The following YEATS2 variants were observed in gnomAD, a reference collection of about 807,000 sequenced individuals.
The protein encoded by YEATS2 is YEATS domain containing 2, also known as YEATS domain-containing protein 2.
YEATS2 carries 77 observed loss-of-function variants against 163.2 expected under a neutral mutation model. The observed-to-expected ratio is 0.47, with a 90% CI of 0.39 to 0.57. The LOEUF (loss-of-function observed/expected upper bound fraction) is 0.57, where lower values mean the gene tolerates loss of function less well. Among genes scored for constraint, YEATS2 ranks in the 20% least tolerant of loss-of-function variants. The pLI, the probability that YEATS2 is intolerant of heterozygous loss-of-function variation, is 0.00. For missense variants in YEATS2, 1,549 were observed against 1,729.8 expected, an observed-to-expected ratio of 0.90 and a Z score of 1.85; for synonymous variants, 631 against 645.1, an observed-to-expected ratio of 0.98 and a Z score of 0.33.
chr3:183,787,653 A>G (rs1724188891), intron 20 of YEATS2, among the ~76,000 whole-genome samples: 1 of 152,024 alleles, frequency 6.6e-6, no homozygotes, highest in Non-Finnish European at 1.5e-5. Flanking sequence ...CACTTTCTTG[A>G]TAGTATTGAA....
Position 183,773,745 on chromosome 3 carries a change from A to G in YEATS2, c.2319A>G (p.Lys773=). The change falls in exon 17 of 31, where the codon AAA becomes AAG. Residue 773 remains lysine (K), a synonymous_variant. Coordinates refer to ENST00000305135, the MANE Select transcript of YEATS2 (RefSeq NM_018023.5). The stretch of plus-strand genomic sequence containing the variant: ...GCAAGAACCCTTCAGGAAAAGGAAA[A>G]CTGCTGCTGATCCCTCAAGGAGCCA... The part of the protein sequence containing the change: ...TNSKNPSGKG[K]LLLIPQGAIL... 6.2e-7 allele frequency: 1 copy of G among 1,613,372 alleles called. No homozygotes were observed. The highest frequency in any genetic ancestry group is 1.1e-5 in the South Asian group (1 of 90,870).
chr3:183,711,329 C>T (rs546898775), intron 1 of YEATS2, among the ~76,000 whole-genome samples: 19 of 151,950 alleles, frequency 1.3e-4, no homozygotes, highest in Middle Eastern at 6.8e-3. Context: ...AAAAATCAGC[C>T]GGGCGTGGTG....
rs371478525 is a variant in YEATS2 at position 183,800,559 on chromosome 3, A to C, written c.3419A>C (p.Tyr1140Ser). 1.9e-6 allele frequency: 3 copies of C among 1,613,664 alleles called. No homozygotes were observed. Among genetic ancestry groups the C allele is most frequent in the South Asian group, 2.2e-5 (2 of 91,044 alleles). The change falls in exon 24 of 31, where the codon TAT becomes TCT. Residue 1140 changes from tyrosine to serine, a missense_variant. Coordinates refer to ENST00000305135, the MANE Select transcript of YEATS2 (RefSeq NM_018023.5). ...GAAGAAAGTTCTGAGCTGGGAAACT[A>C]TGTCATTAAGTAATTCTTCCAATCT... Reference protein sequence around the residue: ...KTEESSELGNYVIKIDHLETI... With the variant: ...KTEESSELGNSVIKIDHLETI...
At chr3:183,755,309 G>A (rs759134506) in intron 11 of YEATS2, among the ~76,000 whole-genome samples, 1 of 152,140 alleles carries the variant, frequency 6.6e-6, no homozygotes, top group Non-Finnish European at 1.5e-5. Flanking sequence ...TAGAGACGGA[G>A]TTTCACCATA....
At chr3:183,721,026 C>CT (rs1211801903) in intron 4 of YEATS2, among the ~76,000 whole-genome samples, 2 of 152,102 alleles carry the variant, frequency 1.3e-5, no homozygotes, top group Non-Finnish European at 2.9e-5. Flanking sequence ...AGCAATGATT[C>CT]TGTCTTTGAA....
At chr3:183,808,988 C>T in intron 29 of YEATS2, 109 bp from the exon 30 acceptor site, 4 of 1,045,808 alleles carry the variant, frequency 3.8e-6, no homozygotes, top group Non-Finnish European at 5.8e-6. Flanking sequence ...CTTTTTAATC[C>T]CTAGTTGCAG....
At chr3:183,718,821 A>G (rs1716182785) in intron 4 of YEATS2, among the ~76,000 whole-genome samples, 1 of 152,158 alleles carries the variant, frequency 6.6e-6, no homozygotes. Context: ...CAGCCTCCTG[A>G]GTAGCTGGGA....
At chr3:183,786,340 A>C in intron 20 of YEATS2, 39 bp downstream of exon 20, 2 of 1,569,554 alleles carry the variant, frequency 1.3e-6, no homozygotes, top group Non-Finnish European at 1.7e-6. Flanking sequence ...CTAATGAGAC[A>C]TGAAAGTGGT....
chr3:183,809,694 C>G (rs1162480551), intron 30 of YEATS2, among the ~76,000 whole-genome samples: 1 of 152,130 alleles, frequency 6.6e-6, no homozygotes, highest in Non-Finnish European at 1.5e-5. Context: ...GACTCGTTGT[C>G]TTTGATTAAG....
intron 8 of YEATS2, among the ~76,000 whole-genome samples, chr3:183,740,774 T>C (rs940682070): frequency 6.6e-6 from 1 of 152,200 alleles, no homozygotes; most frequent in African/African-American, 2.4e-5. Flanking sequence ...GCTAAGATCA[T>C]TGATGAAGGT....
At chr3:183,767,442 G>A (rs576775551) in intron 15 of YEATS2, among the ~76,000 whole-genome samples, 6 of 151,656 alleles carry the variant, frequency 4.0e-5, no homozygotes, top group South Asian at 2.1e-4. Context: ...GAGCAGTGGC[G>A]CCATCTCGGC....
chr3:183,721,117 T>C (rs957480239), intron 4 of YEATS2, among the ~76,000 whole-genome samples: 3 of 152,240 alleles, frequency 2.0e-5, no homozygotes, highest in South Asian at 2.1e-4. Context: ...TTAGGATTTA[T>C]TCAGGGATAT....
intron 9 of YEATS2, among the ~76,000 whole-genome samples, 160 bp from the exon 10 acceptor site, chr3:183,751,913 C>T (rs1720204492): frequency 6.6e-6 from 1 of 152,174 alleles, no homozygotes; most frequent in Admixed American, 6.5e-5. Context: ...ATTAGATTAC[C>T]TTCTAGAATA....
intron 20 of YEATS2, among the ~76,000 whole-genome samples, chr3:183,787,695 C>T (rs1724192176): frequency 6.6e-6 from 1 of 151,982 alleles, no homozygotes; most frequent in African/African-American, 2.4e-5. Flanking sequence ...GTTTTCATTC[C>T]TTTTTAAATT....
At chr3:183,777,519 C>T (rs771496890) in intron 18 of YEATS2, 23 bp from the exon 19 acceptor site, 2 of 1,610,670 alleles carry the variant, frequency 1.2e-6, no homozygotes, top group Non-Finnish European at 1.7e-6. Context: ...CCGATTAGTT[C>T]TTTATATTTT....
chr3:183,702,014 A>G (rs139003224), intron 1 of YEATS2, among the ~76,000 whole-genome samples: 32 of 152,204 alleles, frequency 2.1e-4, no homozygotes, highest in African/African-American at 7.5e-4. Context: ...ATGGGCTCAT[A>G]TTTCACCTCT....
In YEATS2 at chr3:183,799,828, TTTTC is replaced by T. The variant is rs1725493228; in HGVS notation, c.3326-634_3326-631del. Among the ~76,000 whole-genome samples the T allele has an allele frequency of 2.0e-5, 3 of 149,596 alleles. No individual in the cohort carries two copies. The East Asian group carries it at 6.0e-4, about 30-fold the overall frequency. On this transcript the variant is annotated intron_variant, in intron 23 of 30. Transcript: ENST00000305135. ...TTTAGAGTAGCATTGTTTTTTTTTT[TTTTC>T]TTTTTTTTTTTTTGTTTTGAGATGG...
chr3:183,734,724 C>T (rs1406066820), intron 7 of YEATS2, among the ~76,000 whole-genome samples: 3 of 152,156 alleles, frequency 2.0e-5, no homozygotes, highest in Non-Finnish European at 2.9e-5. Context: ...AGTTCAGGGT[C>T]ACTCAGAGTG....
chr3:183,772,760 CACACACACACACACACACCCACAT>C (rs1487872438), intron 16 of YEATS2, among the ~76,000 whole-genome samples, 197 bp downstream of exon 16: 32 of 150,390 alleles, frequency 2.1e-4, no homozygotes, highest in Admixed American at 1.4e-3. Context: ...TTTAAATTTA[CACACACACACACACACACCCACAT>C]ACACACACAC....
Sources: gnomAD v4.1 joint callset for allele counts (sites outside exome capture counted in the v4.1 genomes callset) on GRCh38, gnomAD v4.1.1 for gene constraint, MANE v1.5 for transcripts, NCBI Gene and HGNC (gene_info 2026-07-23, HGNC 2026-07-21) for gene names.